The following APBB2 variants were observed in gnomAD, a reference collection of about 807,000 sequenced individuals.
APBB2 encodes Fe65-like 1.
In APBB2, 38 loss-of-function variants were observed where a neutral mutation model predicts 82.5. That is an observed-to-expected ratio of 0.46 (90% CI 0.36 to 0.60). The LOEUF (loss-of-function observed/expected upper bound fraction) is 0.60. Among genes scored for constraint, APBB2 ranks in the 20% least tolerant of loss-of-function variants. The pLI is 0.00. For missense variants in APBB2, 772 were observed against 972.3 expected, an observed-to-expected ratio of 0.79 and a Z score of 2.74; for synonymous variants, 341 against 368.2, an observed-to-expected ratio of 0.93 and a Z score of 0.85.
chr4:41,152,325 CT>C (rs912800375), intron 1 of APBB2, among the ~76,000 whole-genome samples: 93 of 145,032 alleles, frequency 6.4e-4, no homozygotes, highest in Admixed American at 8.3e-4. Flanking sequence ...TTCTTTTCTT[CT>C]TTTTTTTTTT....
intron 1 of APBB2, among the ~76,000 whole-genome samples, chr4:41,158,907 T>A (rs755176493): frequency 2.0e-5 from 3 of 152,138 alleles, no homozygotes; most frequent in Non-Finnish European, 2.9e-5. Context: ...CGAGATTCCA[T>A]CCCAGGTGTG....
At chr4:40,895,332 G>A (rs1773363366) in intron 10 of APBB2, among the ~76,000 whole-genome samples, 1 of 152,246 alleles carries the variant, frequency 6.6e-6, no homozygotes, top group Non-Finnish European at 1.5e-5. Flanking sequence ...AAACCAAAAA[G>A]AGAAGGCAGT....
chr4:41,182,622 A>G (rs1027171151), intron 1 of APBB2, among the ~76,000 whole-genome samples: 1 of 152,220 alleles, frequency 6.6e-6, no homozygotes, highest in African/African-American at 2.4e-5. Context: ...ACTGCCTGAG[A>G]CTGGGTAATT....
chr4:40,814,666 G>A lies in APBB2; in HGVS notation c.*1426C>T, dbSNP rs1217169683. On this transcript the variant is annotated 3_prime_UTR_variant, in exon 18 of 18. Coordinates refer to ENST00000508593, the MANE Select transcript of APBB2 (RefSeq NM_004307.2). ...TTGTAAATGTTAATTTTGACATTAA[G>A]AAGAAGTAAACAAGACTAATATTGA... 1.3e-5 allele frequency: 2 copies of A among 152,194 alleles called. No homozygotes were observed. Among genetic ancestry groups the A allele is most frequent in the Non-Finnish European group, 2.9e-5 (2 of 68,032 alleles). The allele number at this position is 152,194 out of a possible 1,614,324, so 9.4% of individuals were successfully genotyped here.
intron 6 of APBB2, among the ~76,000 whole-genome samples, chr4:40,993,368 T>C (rs1802705719): frequency 6.7e-6 from 1 of 150,104 alleles, no homozygotes; most frequent in African/African-American, 2.5e-5. Flanking sequence ...TCTCTTTTTT[T>C]TTTTTTTTTT....
intron 3 of APBB2, among the ~76,000 whole-genome samples, chr4:41,092,688 CAAAAA>C (rs77137726): frequency 2.1e-5 from 2 of 93,886 alleles, no homozygotes; most frequent in East Asian, 7.0e-4. Flanking sequence ...GACTCCGTCT[CAAAAA>C]AAAAAAAAAA....
At chr4:40,886,303 AC>A (rs1261210464) in intron 12 of APBB2, among the ~76,000 whole-genome samples, 1 of 152,146 alleles carries the variant, frequency 6.6e-6, no homozygotes, top group Non-Finnish European at 1.5e-5. Context: ...ACATGGTGAA[AC>A]CCTGTCTCTA....
chr4:41,170,343 G>A (rs1002415144), intron 1 of APBB2, among the ~76,000 whole-genome samples: 2 of 152,080 alleles, frequency 1.3e-5, no homozygotes, highest in Admixed American at 6.6e-5. Flanking sequence ...AAGCACCTAC[G>A]GTGCCCCCAG....
intron 2 of APBB2, among the ~76,000 whole-genome samples, chr4:41,124,387 T>A (rs1019277050): frequency 3.3e-5 from 5 of 152,020 alleles, no homozygotes; most frequent in Non-Finnish European, 7.4e-5. Context: ...CCCGGCTAAT[T>A]TTTTGTATTT....
intron 2 of APBB2, among the ~76,000 whole-genome samples, chr4:41,105,721 A>C (rs909749628): frequency 6.6e-6 from 1 of 152,074 alleles, no homozygotes. Context: ...CGTCTCTACT[A>C]AAAATACAAA....
At chr4:41,039,470 G>T (rs1345656838) in intron 4 of APBB2, among the ~76,000 whole-genome samples, 1 of 152,292 alleles carries the variant, frequency 6.6e-6, no homozygotes, top group East Asian at 1.9e-4. Flanking sequence ...GTAAATTGTG[G>T]TAACCATCGA....
intron 6 of APBB2, among the ~76,000 whole-genome samples, chr4:40,946,235 A>AT (rs1788378717): frequency 3.2e-5 from 2 of 62,556 alleles, no homozygotes; most frequent in Non-Finnish European, 3.2e-5. Flanking sequence ...CTATCTCCAA[A>AT]AAAAAAAAAA....
rs1036924685 is a variant in APBB2 at position 41,016,704 on chromosome 4, G to T, written c.20-2306C>A. On this transcript the variant is annotated intron_variant, in intron 5 of 17. Transcript: ENST00000508593. ...TCTAGCCATATTTTCACAGTCTTTG[G>T]GATCCCATTACCCTATCAGGGGCCA... is the stretch of plus-strand genomic sequence containing the variant. 5.3e-5 allele frequency among the ~76,000 whole-genome samples: 8 copies of T among 151,826 alleles called. No individual in the cohort carries two copies. The South Asian group carries it at 1.0e-3, about 20-fold the overall frequency.
At chr4:40,990,503 C>T (rs767938928) in intron 6 of APBB2, among the ~76,000 whole-genome samples, 1 of 152,212 alleles carries the variant, frequency 6.6e-6, no homozygotes, top group African/African-American at 2.4e-5. Flanking sequence ...TTTTCACACA[C>T]ACAAGAAAGG....
intron 3 of APBB2, among the ~76,000 whole-genome samples, chr4:41,088,555 AG>A (rs1740640205): frequency 6.6e-6 from 1 of 152,238 alleles, no homozygotes; most frequent in African/African-American, 2.4e-5. Context: ...GAAACTAGCA[AG>A]GAAAGACTTG....
At chr4:40,907,577 G>A (rs1372992286) in intron 10 of APBB2, among the ~76,000 whole-genome samples, 1 of 150,404 alleles carries the variant, frequency 6.6e-6, no homozygotes, top group East Asian at 1.9e-4. Flanking sequence ...CGCCCTGTTG[G>A]TTAGGCTGGT....
intron 1 of APBB2, among the ~76,000 whole-genome samples, chr4:41,188,923 G>C (rs1388753729): frequency 1.3e-5 from 2 of 151,998 alleles, no homozygotes; most frequent in East Asian, 3.9e-4. Flanking sequence ...TTCAAAAAAA[G>C]AAAAAGTGGT....
intron 2 of APBB2, among the ~76,000 whole-genome samples, chr4:41,132,263 G>C (rs1446912707): frequency 6.6e-6 from 1 of 152,130 alleles, no homozygotes. Context: ...ACAGTTTCCA[G>C]ACAAGCCTAT....
intron 13 of APBB2, among the ~76,000 whole-genome samples, chr4:40,829,510 T>G (rs2437347): frequency 0.8 from 121,920 of 152,114 alleles, 49,339 homozygotes; most frequent in African/African-American, 0.9. Flanking sequence ...CAAAGAGAAT[T>G]GGGGGACCTT....
Sources: allele counts gnomAD v4.1 joint callset (sites outside exome capture counted in the v4.1 genomes callset), GRCh38; gene constraint gnomAD v4.1.1; transcripts MANE v1.5; gene names NCBI Gene and HGNC (gene_info 2026-07-23, HGNC 2026-07-21).